BDP1: variants seen among roughly 807,000 people sequenced by gnomAD.
The protein encoded by BDP1 is transcription factor TFIIIB component B'' homolog.
BDP1 carries 169 observed loss-of-function variants against 266.6 expected under a neutral mutation model. The ratio of observed to expected loss-of-function variants is 0.63; its 90% confidence interval spans 0.56 to 0.72. The LOEUF (loss-of-function observed/expected upper bound fraction) is 0.72, where lower values mean the gene tolerates loss of function less well. Ranked by LOEUF, BDP1 falls within the 30% of genes least tolerant of loss-of-function variation. BDP1 has a pLI of 0.00. For missense variants in BDP1, 3,015 were observed against 3,053.8 expected (o/e 0.99, Z 0.30); for synonymous variants, 1,090 against 1,022.4 (o/e 1.07, Z -1.26).
Position 71,542,259 on chromosome 5 carries a change from C to CA in BDP1, c.6409dup (p.Arg2137LysfsTer16). On this transcript the variant is annotated frameshift_variant, in exon 30 of 39. Transcript: ENST00000358731. LOFTEE classifies it high-confidence loss of function. Reference sequence around the variant, plus strand: ...AACCAAAGGGGCAGAAATGGAAACTCAAAGAGGTAAATTTTATTCTCTTAA... The same window carrying CA: ...AACCAAAGGGGCAGAAATGGAAACTCAAAAGAGGTAAATTTTATTCTCTTAA... The CA allele has an allele frequency of 6.2e-7, 1 of 1,606,106 alleles. No homozygotes were observed. The highest frequency in any genetic ancestry group is 8.5e-7 in the Non-Finnish European group (1 of 1,178,022).
chr5:71,504,303 G>A (rs1391103874), intron 15 of BDP1, among the ~76,000 whole-genome samples: 1 of 150,602 alleles, frequency 6.6e-6, no homozygotes, highest in African/African-American at 2.4e-5. Flanking sequence ...AAAAATTCCC[G>A]TGATCTATAA....
Position 71,489,588 on chromosome 5 carries a change from G to A in BDP1, c.1398G>A (p.Arg466=), listed in dbSNP as rs1049992412. The part of the protein sequence containing the change: ...EVDLNQKKRR[R]KKQDGANELG... ...ACCTAAATCAAAAGAAAAGAAGGAG[G>A]AAGAAGCAAGATGGAGCTAATGAAC... The change falls in exon 10 of 39, where the codon AGG becomes AGA. Residue 466 remains arginine (R), a synonymous_variant. Transcript: ENST00000358731. 5 of 1,613,952 alleles carry A rather than the reference G, an allele frequency of 3.1e-6. No individual in the cohort carries two copies. Among genetic ancestry groups the A allele is most frequent in the Non-Finnish European group, 4.2e-6 (5 of 1,179,986 alleles).
At position 71,542,258 on chromosome 5, in the gene BDP1, T is replaced by C. The variant is rs1767013025; in HGVS notation, c.6405T>C (p.Thr2135=). The C allele has an allele frequency of 6.2e-7, 1 of 1,606,586 alleles. No homozygotes were observed. Among genetic ancestry groups the C allele is most frequent in the African/African-American group, 1.3e-5 (1 of 74,448 alleles). ...LCVTKGAEME[T]QRETEKNASK... ...TAACCAAAGGGGCAGAAATGGAAAC[T>C]CAAAGAGGTAAATTTTATTCTCTTA... is the stretch of plus-strand genomic sequence containing the variant. Residue 2135 remains threonine, a synonymous_variant, in exon 30 of 39, where the codon ACT becomes ACC. Coordinates refer to ENST00000358731, the MANE Select transcript of BDP1 (RefSeq NM_018429.3).
chr5:71,465,868 G>A (rs1761876614), intron 4 of BDP1, among the ~76,000 whole-genome samples: 2 of 151,848 alleles, frequency 1.3e-5, no homozygotes, highest in South Asian at 2.1e-4. Flanking sequence ...GTGACAGGGC[G>A]AAACTCCATC....
At chr5:71,563,007 A>T (rs1346387058) in intron 38 of BDP1, 1 of 691,074 alleles carries the variant, frequency 1.4e-6, no homozygotes, top group African/African-American at 1.9e-5. Context: ...GTTGAACAGC[A>T]TGAGCCTTTG....
chr5:71,513,343 A>G lies in BDP1; in HGVS notation c.4406A>G (p.Lys1469Arg), dbSNP rs1765038436. The G allele has an allele frequency of 6.2e-7, 1 of 1,604,256 alleles. No individual in the cohort carries two copies. The highest frequency in any genetic ancestry group is 1.3e-5 in the African/African-American group (1 of 74,462). Residue 1469 changes from lysine to arginine, a missense_variant, in exon 19 of 39, where the codon AAG becomes AGG. Around this residue, in one of 3 missense-constraint regions of BDP1, gnomAD observed 2,383 missense variants for 2,404.9 expected, o/e 0.99. Coordinates refer to ENST00000358731, the MANE Select transcript of BDP1 (RefSeq NM_018429.3). ...ATATATGAGAAGAAATCAGAAACCA[A>G]GAAAATGGAGACTATTGTGATGCAA... ...KYIYEKKSET[K>R]KMETIVMQEN...
intron 1 of BDP1, among the ~76,000 whole-genome samples, chr5:71,457,193 G>T (rs1761247304): frequency 6.6e-6 from 1 of 151,404 alleles, no homozygotes; most frequent in African/African-American, 2.4e-5. Context: ...TTGTAGTTTT[G>T]AGATATTTAT....
chr5:71,554,293 C>A (rs948779559), intron 35 of BDP1, among the ~76,000 whole-genome samples: 3 of 152,068 alleles, frequency 2.0e-5, no homozygotes, highest in African/African-American at 7.2e-5. Context: ...TTTCCTTTAC[C>A]CACTTTTCAA....
intron 34 of BDP1, among the ~76,000 whole-genome samples, chr5:71,552,774 A>T (rs1292752466): frequency 6.6e-6 from 1 of 152,264 alleles, no homozygotes; most frequent in Non-Finnish European, 1.5e-5. Flanking sequence ...GCAGCAGTAC[A>T]GTCCAGCTTC....
intron 13 of BDP1, among the ~76,000 whole-genome samples, chr5:71,498,817 A>G (rs1352262446): frequency 1.3e-5 from 2 of 148,380 alleles, no homozygotes. Flanking sequence ...TCTGTCTCCC[A>G]GGTTCAAGCT....
intron 25 of BDP1, among the ~76,000 whole-genome samples, chr5:71,528,834 G>A (rs1766062285): frequency 6.6e-6 from 1 of 152,136 alleles, no homozygotes; most frequent in South Asian, 2.1e-4. Flanking sequence ...GTAATTTTGT[G>A]GAAAGATATC....
intron 11 of BDP1, among the ~76,000 whole-genome samples, chr5:71,493,540 T>G (rs529505968): frequency 6.6e-6 from 1 of 152,254 alleles, no homozygotes; most frequent in Admixed American, 6.5e-5. Flanking sequence ...CTTTTTCTAA[T>G]TTAGGGGAAA....
intron 32 of BDP1, among the ~76,000 whole-genome samples, chr5:71,545,709 T>A (rs551787669): frequency 1.6e-4 from 24 of 152,188 alleles, no homozygotes; most frequent in African/African-American, 5.3e-4. Context: ...AACAGTTCCA[T>A]AAAAAGTTCC....
chr5:71,506,430 C>T (rs1445253979), intron 16 of BDP1, among the ~76,000 whole-genome samples: 1 of 152,062 alleles, frequency 6.6e-6, no homozygotes, highest in Non-Finnish European at 1.5e-5. Flanking sequence ...TTGGCCTGTT[C>T]AAGATGCTAT....
At chr5:71,468,468 T>C (rs190764632) in intron 6 of BDP1, among the ~76,000 whole-genome samples, 4 of 151,420 alleles carry the variant, frequency 2.6e-5, no homozygotes, top group African/African-American at 9.7e-5. Flanking sequence ...TTTTTTTTTT[T>C]AATTTCTTTC....
At chr5:71,550,293 G>A (rs1742653883) in intron 34 of BDP1, among the ~76,000 whole-genome samples, 1 of 152,094 alleles carries the variant, frequency 6.6e-6, no homozygotes, top group Admixed American at 6.6e-5. Flanking sequence ...GACGGAGGCA[G>A]GAGAACCACT....
At chr5:71,547,965 A>G (rs1400072809) in intron 32 of BDP1, among the ~76,000 whole-genome samples, 1 of 152,010 alleles carries the variant, frequency 6.6e-6, no homozygotes, top group South Asian at 2.1e-4. Context: ...AAAAATAAAT[A>G]AATAAATAAA....
At chr5:71,511,521 C>G (rs1764919093) in intron 17 of BDP1, among the ~76,000 whole-genome samples, 1 of 151,844 alleles carries the variant, frequency 6.6e-6, no homozygotes, top group African/African-American at 2.4e-5. Context: ...AAGGTGTAAG[C>G]CTGTAGTCCC....
intron 7 of BDP1, among the ~76,000 whole-genome samples, chr5:71,480,861 G>A (rs773119828): frequency 1.6e-4 from 24 of 152,162 alleles, no homozygotes; most frequent in South Asian, 1.0e-3. Context: ...CACCATGCCC[G>A]GCCAACCGTG....
Sources: allele counts gnomAD v4.1 joint callset (sites outside exome capture counted in the v4.1 genomes callset), GRCh38; gene constraint gnomAD v4.1.1; regional missense constraint gnomAD v4.1.1; transcripts MANE v1.5; gene names NCBI Gene and HGNC (gene_info 2026-07-23, HGNC 2026-07-21).